Variants in TMEM38B observed in about 807,000 individuals in gnomAD.
The protein encoded by TMEM38B is trimeric intracellular cation channel type B.
TMEM38B carries 24 observed loss-of-function variants against 28.7 expected under a neutral mutation model. The observed-to-expected ratio is 0.84, with a 90% CI of 0.61 to 1.18. TMEM38B has a LOEUF of 1.18. TMEM38B is among the 50% of genes most tolerant of loss of function. The pLI is 0.00. For missense variants in TMEM38B, 380 were observed against 350.9 expected (o/e 1.08, Z -0.66); for synonymous variants, 131 against 127.7 (o/e 1.03, Z -0.17).
chr9:105,774,151 C>A lies in TMEM38B; in HGVS notation c.*71C>A. ...TACCTGTTATATTGTGCTAATTTTT[C>A]TATGTATGTGATGTGAAATGAAGAC... On this transcript the variant is annotated 3_prime_UTR_variant, in exon 6 of 6. Coordinates refer to ENST00000374692, the MANE Select transcript of TMEM38B (RefSeq NM_018112.3). 2 of 1,259,888 alleles carry A rather than the reference C, an allele frequency of 1.6e-6. No homozygotes were observed. The highest frequency in any genetic ancestry group is 2.2e-6 in the Non-Finnish European group (2 of 895,120). The allele number at this position is 1,259,888 out of a possible 1,614,324, so 78.0% of individuals were successfully genotyped here. A position where few individuals can be genotyped will look rare whatever the true frequency, so the allele number is the denominator to read the frequency against.
chr9:105,710,188 C>A, intron 2 of TMEM38B: 1 of 437,828 alleles, frequency 2.3e-6, no homozygotes, highest in Non-Finnish European at 4.3e-6. Context: ...CCACACACCC[C>A]TTTGTCACTT....
intron 4 of TMEM38B, 50 bp from the exon 5 acceptor site, chr9:105,748,023 A>G: frequency 8.1e-7 from 1 of 1,240,694 alleles, no homozygotes; most frequent in East Asian, 2.3e-5. Flanking sequence ...AGAAAGTTAG[A>G]GATATGTCAT....
At chr9:105,710,365 A>T in intron 2 of TMEM38B, 1 of 761,676 alleles carries the variant, frequency 1.3e-6, no homozygotes, top group South Asian at 1.6e-5. Flanking sequence ...ATGATCTTCT[A>T]TAGTTGTTAT....
chr9:105,721,704 C>CT lies in TMEM38B; in HGVS notation c.438dup (p.Ile147TyrfsTer16). Reference sequence around the variant, plus strand: ...AAAAATGGCTGGATAGTCATGATAGCTATTGGATGGGCCCGAGGTAATATT... The same window carrying CT: ...AAAAATGGCTGGATAGTCATGATAGCTTATTGGATGGGCCCGAGGTAATATT... On this transcript the variant is annotated frameshift_variant, in exon 3 of 6. Transcript: ENST00000374692. LOFTEE classifies it high-confidence loss of function. The CT allele has an allele frequency of 6.2e-7, 1 of 1,611,858 alleles. No individual in the cohort carries two copies. Among genetic ancestry groups the CT allele is most frequent in the Non-Finnish European group, 8.5e-7 (1 of 1,178,854 alleles).
intron 4 of TMEM38B, among the ~76,000 whole-genome samples, chr9:105,745,473 G>T (rs559149192): frequency 6.6e-6 from 1 of 152,112 alleles, no homozygotes; most frequent in Non-Finnish European, 1.5e-5. Context: ...GTTCTTTGTA[G>T]ATTCTGGATA....
chr9:105,745,581 C>T (rs567228390), intron 4 of TMEM38B, among the ~76,000 whole-genome samples: 201 of 152,160 alleles, frequency 1.3e-3, no homozygotes, highest in African/African-American at 4.6e-3. Context: ...TGCAGAAGCT[C>T]TTGAGTTTAA....
chr9:105,737,725 C>G (rs938481134), intron 4 of TMEM38B, among the ~76,000 whole-genome samples: 4 of 152,162 alleles, frequency 2.6e-5, no homozygotes, highest in African/African-American at 9.7e-5. Flanking sequence ...CAAGGGGGAT[C>G]AACTGCTTGG....
intron 5 of TMEM38B, chr9:105,759,346 A>G (rs1336734738): frequency 3.7e-6 from 4 of 1,086,578 alleles, no homozygotes; most frequent in Non-Finnish European, 5.6e-6. Flanking sequence ...AAATCAATGG[A>G]GTGCCTTCTT....
At chr9:105,756,803 A>G (rs567709867) in intron 5 of TMEM38B, among the ~76,000 whole-genome samples, 2 of 152,206 alleles carry the variant, frequency 1.3e-5, no homozygotes, top group Non-Finnish European at 2.9e-5. Flanking sequence ...TATATCCACC[A>G]GTTTCTAAAT....
chr9:105,762,465 T>A (rs1290561138), intron 5 of TMEM38B, among the ~76,000 whole-genome samples: 3 of 144,168 alleles, frequency 2.1e-5, no homozygotes, highest in Non-Finnish European at 4.5e-5. Context: ...TGTCCATGTG[T>A]TCTCATTGTT....
intron 4 of TMEM38B, among the ~76,000 whole-genome samples, chr9:105,739,202 A>G (rs956048789): frequency 2.6e-5 from 4 of 151,844 alleles, no homozygotes; most frequent in Non-Finnish European, 5.9e-5. Flanking sequence ...GTTCTATTCC[A>G]TTGTCTATAT....
intron 1 of TMEM38B, among the ~76,000 whole-genome samples, chr9:105,705,358 A>G (rs1835614906): frequency 6.6e-6 from 1 of 152,268 alleles, no homozygotes; most frequent in African/African-American, 2.4e-5. Flanking sequence ...CAGCCTAAAC[A>G]GAACAGAGTA....
chr9:105,735,263 A>G (rs1278074836), intron 4 of TMEM38B, among the ~76,000 whole-genome samples: 2 of 152,098 alleles, frequency 1.3e-5, no homozygotes, highest in African/African-American at 4.8e-5. Context: ...TTTGAATTAT[A>G]GATGTTGTTT....
chr9:105,724,032 C>T (rs1407828982), intron 4 of TMEM38B, among the ~76,000 whole-genome samples: 1 of 151,892 alleles, frequency 6.6e-6, no homozygotes, highest in Admixed American at 6.6e-5. Flanking sequence ...GATGTGGTTT[C>T]ACCATGTTGG....
chr9:105,747,366 A>G (rs1837449779), intron 4 of TMEM38B, among the ~76,000 whole-genome samples: 1 of 152,096 alleles, frequency 6.6e-6, no homozygotes, highest in Non-Finnish European at 1.5e-5. Flanking sequence ...ATTTGTGTAG[A>G]GGTGTTTATA....
chr9:105,713,453 C>T (rs1835980894), intron 2 of TMEM38B, among the ~76,000 whole-genome samples: 1 of 152,214 alleles, frequency 6.6e-6, no homozygotes, highest in Non-Finnish European at 1.5e-5. Context: ...GCTGTCACAG[C>T]CTGGCTGGGT....
At chr9:105,734,473 G>A (rs1836893449) in intron 4 of TMEM38B, among the ~76,000 whole-genome samples, 1 of 152,072 alleles carries the variant, frequency 6.6e-6, no homozygotes, top group Non-Finnish European at 1.5e-5. Flanking sequence ...CTAAAGTATA[G>A]TTCACATTCA....
chr9:105,756,971 C>A (rs1265748104), intron 5 of TMEM38B, among the ~76,000 whole-genome samples: 2 of 151,918 alleles, frequency 1.3e-5, no homozygotes, highest in Non-Finnish European at 2.9e-5. Context: ...TGGATAAGTT[C>A]TTTAGTGCTA....
intron 2 of TMEM38B, chr9:105,710,516 C>T: frequency 8.2e-7 from 1 of 1,219,136 alleles, no homozygotes; most frequent in Non-Finnish European, 1.2e-6. Context: ...CTTCCGATCC[C>T]CCTGGGCAAA....
Sources: gnomAD v4.1 joint callset for allele counts (sites outside exome capture counted in the v4.1 genomes callset) on GRCh38, gnomAD v4.1.1 for gene constraint, MANE v1.5 for transcripts, NCBI Gene and HGNC (gene_info 2026-07-23, HGNC 2026-07-21) for gene names.